The following SEMA6A variants were observed in gnomAD, a reference collection of about 807,000 sequenced individuals.
SEMA6A encodes the protein semaphorin-6A.
Under a neutral mutation model 96.8 loss-of-function variants are expected in SEMA6A, and 25 were observed. The observed-to-expected ratio is 0.26, with a 90% confidence interval of 0.19 to 0.36. The LOEUF is 0.36. Ranked by LOEUF, SEMA6A falls within the 10% of genes least tolerant of loss-of-function variation. SEMA6A has a pLI of 1.00. For missense variants in SEMA6A, 1,363 were observed against 1,323.1 expected (o/e 1.03, Z -0.47); for synonymous variants, 612 against 518.0 (o/e 1.18, Z -2.46).
At chr5:116,553,770 G>A (rs1306213049) in intron 1 of SEMA6A, among the ~76,000 whole-genome samples, 1 of 152,148 alleles carries the variant, frequency 6.6e-6, no homozygotes, top group Non-Finnish European at 1.5e-5. Flanking sequence ...GAAATCCTGA[G>A]AGTGAGATGT....
chr5:116,476,979 T>C (rs1423599687), intron 15 of SEMA6A, among the ~76,000 whole-genome samples: 5 of 152,204 alleles, frequency 3.3e-5, no homozygotes, highest in Non-Finnish European at 5.9e-5. Flanking sequence ...CTTGATCTGT[T>C]TGTTTAGCTA....
At chr5:116,482,919 CTCTCTGAAG>C (rs938759022) in intron 10 of SEMA6A, among the ~76,000 whole-genome samples, 4 of 152,136 alleles carry the variant, frequency 2.6e-5, no homozygotes, top group African/African-American at 9.7e-5. Context: ...AGTTAATGAC[CTCTCTGAAG>C]TCTCTGGAGA....
At position 116,574,493 on chromosome 5, in the gene SEMA6A, T is replaced by C. The variant is rs936764795; in HGVS notation, c.-347A>G. 6.6e-6 allele frequency: 1 copy of C among 150,952 alleles called. No homozygotes were observed. Among genetic ancestry groups the C allele is most frequent in the Non-Finnish European group, 1.5e-5 (1 of 67,940 alleles). The allele number at this position is 150,952 out of a possible 1,614,324, so 9.4% of individuals were successfully genotyped here. On this transcript the variant is annotated 5_prime_UTR_variant, in exon 1 of 19. Coordinates refer to ENST00000343348, the MANE Select transcript of SEMA6A (RefSeq NM_020796.5). The stretch of plus-strand genomic sequence containing the variant: ...AACCAACAAGGAAGAGGGTAAATGT[T>C]CAAGAAACTCTTCTCCAAATCCAAA...
chr5:116,478,972 C>A, intron 12 of SEMA6A, among the ~76,000 whole-genome samples: 1 of 149,088 alleles, frequency 6.7e-6, no homozygotes, highest in East Asian at 2.0e-4. Context: ...GTTTGCAGGC[C>A]AAGTACTATA....
chr5:116,514,052 ATGTCTTTGCTAT>A (rs1758549996), intron 1 of SEMA6A, among the ~76,000 whole-genome samples: 1 of 152,086 alleles, frequency 6.6e-6, no homozygotes, highest in Admixed American at 6.5e-5. Flanking sequence ...GGTTGATTCC[ATGTCTTTGCTAT>A]TGTGAACAAT....
intron 1 of SEMA6A, among the ~76,000 whole-genome samples, chr5:116,565,854 C>G (rs1036108506): frequency 6.6e-6 from 1 of 151,996 alleles, no homozygotes; most frequent in South Asian, 2.1e-4. Flanking sequence ...AGGAAAGGAA[C>G]GTTTCCATTC....
In SEMA6A at chr5:116,447,467, G is replaced by T. The variant is rs768790416; in HGVS notation, c.2239C>A (p.Gln747Lys). Reference sequence around the variant, plus strand: ...AGGGCCGTCAGGTCCAGGTGGTGCTGGTCTGCTTTAATGAGCATCTTGGCC... The same window carrying T: ...AGGGCCGTCAGGTCCAGGTGGTGCTTGTCTGCTTTAATGAGCATCTTGGCC... ...NTAKMLIKADQHHLDLTALPT... is the reference protein window; with the variant it reads ...NTAKMLIKADKHHLDLTALPT... Residue 747 changes from glutamine (Q) to lysine (K), a missense_variant, in exon 19 of 19, where the codon CAG becomes AAG. Gln to Lys is a moderately conservative substitution (Grantham distance 53, BLOSUM62 1). This residue lies in a region of SEMA6A where 883 missense variants were observed against 763.6 expected (regional missense o/e 1.16). Coordinates refer to ENST00000343348, the MANE Select transcript of SEMA6A (RefSeq NM_020796.5). 9.3e-6 allele frequency: 15 copies of T among 1,613,966 alleles called. 1 individual carries two copies. The South Asian group carries it at 1.6e-4, about 18-fold the overall frequency.
At position 116,507,650 on chromosome 5, in the gene SEMA6A, CCTGT is replaced by C. The variant is rs1758211030; in HGVS notation, c.-38-2672_-38-2669del. On this transcript the variant is annotated intron_variant, in intron 1 of 18. Coordinates refer to ENST00000343348, the MANE Select transcript of SEMA6A (RefSeq NM_020796.5). Reference sequence around the variant, plus strand: ...GTATCTGCAAACATTTGTCGATTTCCCTGTCTGTGACTGTGCTTATATAGGCTAA... The same window carrying C: ...GTATCTGCAAACATTTGTCGATTTCCCTGTGACTGTGCTTATATAGGCTAA... Among the ~76,000 whole-genome samples, 3 of 152,158 alleles carry C rather than the reference CCTGT, an allele frequency of 2.0e-5. 1 individual carries two copies. In the South Asian group the frequency reaches 6.2e-4, roughly 32 times the overall value.
intron 1 of SEMA6A, among the ~76,000 whole-genome samples, chr5:116,567,989 T>C (rs898437888): frequency 5.9e-5 from 9 of 152,238 alleles, no homozygotes; most frequent in African/African-American, 2.2e-4. Flanking sequence ...TGGTAGGTGT[T>C]CTAATTAATA....
At chr5:116,548,619 A>G (rs1760280669) in intron 1 of SEMA6A, among the ~76,000 whole-genome samples, 1 of 152,150 alleles carries the variant, frequency 6.6e-6, no homozygotes, top group Admixed American at 6.6e-5. Context: ...GAGTTTTAAG[A>G]TATGTTTCCA....
intron 1 of SEMA6A, among the ~76,000 whole-genome samples, chr5:116,570,139 A>G (rs1761150954): frequency 6.6e-6 from 1 of 152,188 alleles, no homozygotes; most frequent in South Asian, 2.1e-4. Flanking sequence ...TTTGTGTGGT[A>G]TGACATCTCA....
At chr5:116,547,653 C>G (rs1760236696) in intron 1 of SEMA6A, among the ~76,000 whole-genome samples, 1 of 140,934 alleles carries the variant, frequency 7.1e-6, no homozygotes, top group African/African-American at 2.7e-5. Flanking sequence ...AACAAGCAAG[C>G]ATTAAGACTG....
At position 116,467,663 on chromosome 5, in the gene SEMA6A, T is replaced by C. The variant is rs1755846054; in HGVS notation, c.1814A>G (p.Asp605Gly). ...AGGTGAGTCAAGCAGATGCTTCCAG[T>C]CCAGCATTCCTCCCCTAGACTCATA... ...EGYESRGGMLDWKHLLDSPDS... is the reference protein window; with the variant it reads ...EGYESRGGMLGWKHLLDSPDS... The change falls in exon 18 of 19, where the codon GAC becomes GGC. Residue 605 changes from aspartate to glycine, a missense_variant. By Grantham distance (94) the Asp-to-Gly change is moderately conservative (BLOSUM62 -1). Coordinates refer to ENST00000343348, the MANE Select transcript of SEMA6A (RefSeq NM_020796.5). 1 of 1,613,574 alleles carries C rather than the reference T, an allele frequency of 6.2e-7. No homozygotes were observed. The highest frequency in any genetic ancestry group is 8.5e-7 in the Non-Finnish European group (1 of 1,179,814).
intron 1 of SEMA6A, among the ~76,000 whole-genome samples, chr5:116,519,685 A>ACACG (rs1554089703): frequency 1.9e-4 from 29 of 149,626 alleles, no homozygotes; most frequent in African/African-American, 6.7e-4. Flanking sequence ...ACACACACAC[A>ACACG]CACACACGCA....
chr5:116,519,588 C>A (rs1477900090), intron 1 of SEMA6A, among the ~76,000 whole-genome samples: 1 of 152,112 alleles, frequency 6.6e-6, no homozygotes, highest in African/African-American at 2.4e-5. Flanking sequence ...GTCATGGGCT[C>A]ACCCATGGGT....
rs1554089707 is a variant in SEMA6A, at chr5:116,519,687, ACACACG to A, written c.-38-14711_-38-14706del. ...TGTACACACACACACACACACACACACACACGCACACACATACATTATACATATAAT... is the reference window on the plus strand; with the variant it reads ...TGTACACACACACACACACACACACACACACACATACATTATACATATAAT... On this transcript the variant is annotated intron_variant, in intron 1 of 18. Transcript: ENST00000343348. 7.2e-3 allele frequency among the ~76,000 whole-genome samples: 1,077 copies of A among 150,088 alleles called. 13 individuals are homozygous for A. Among genetic ancestry groups the A allele is most frequent in the African/African-American group, 0.025 (1,000 of 39,540 alleles).
chr5:116,481,259 C>T (rs1266564663), intron 11 of SEMA6A, among the ~76,000 whole-genome samples: 2 of 152,240 alleles, frequency 1.3e-5, no homozygotes, highest in African/African-American at 4.8e-5. Context: ...GAGGGTATTA[C>T]ATAAGAACTT....
At chr5:116,532,760 A>G (rs1326593529) in intron 1 of SEMA6A, among the ~76,000 whole-genome samples, 3 of 150,410 alleles carry the variant, frequency 2.0e-5, no homozygotes, top group African/African-American at 7.3e-5. Context: ...ACTGGAAAAG[A>G]AAAAAAAAAG....
rs1754160240 is a variant in SEMA6A at position 116,446,104 on chromosome 5, T to A, written c.*509A>T. On this transcript the variant is annotated 3_prime_UTR_variant, in exon 19 of 19. Coordinates refer to ENST00000343348, the MANE Select transcript of SEMA6A (RefSeq NM_020796.5). ...GTCTGAGTTAGAATTATCAATGAAT[T>A]CTTTTTTTTTTGTCTTTTTAAATTT... 1 of 150,164 alleles carries A rather than the reference T, an allele frequency of 6.7e-6. No individual in the cohort carries two copies. The highest frequency in any genetic ancestry group is 2.5e-5 in the African/African-American group (1 of 39,870). The allele number at this position is 150,164 out of a possible 1,614,324, so 9.3% of individuals were successfully genotyped here.
Sources: allele counts gnomAD v4.1 joint callset (sites outside exome capture counted in the v4.1 genomes callset), GRCh38; gene constraint gnomAD v4.1.1; regional missense constraint gnomAD v4.1.1; transcripts MANE v1.5; gene names NCBI Gene and HGNC (gene_info 2026-07-23, HGNC 2026-07-21).